HIVEP2: variants seen among roughly 807,000 people sequenced by gnomAD.
HIVEP2 encodes HIVEP zinc finger 2, also known as transcription factor HIVEP2.
A neutral mutation model predicts 180.7 loss-of-function variants in HIVEP2; 14 were observed. That is an observed-to-expected ratio of 0.08 (90% CI 0.05 to 0.12). The LOEUF is 0.12. HIVEP2 is among the 10% of genes least tolerant of loss of function. HIVEP2 has a pLI of 1.00. For synonymous variants in HIVEP2, 1,184 were observed against 1,136.4 expected, an observed-to-expected ratio of 1.04 and a Z score of -0.84; for missense variants, 2,579 against 3,008.5, an observed-to-expected ratio of 0.86 and a Z score of 3.34.
In HIVEP2 at chr6:142,752,910, A is replaced by G; in HGVS notation, c.*197T>C. 1 of 556,802 alleles carries G rather than the reference A, an allele frequency of 1.8e-6. No homozygotes were observed. The highest frequency in any genetic ancestry group is 3.2e-6 in the Non-Finnish European group (1 of 313,874). The allele number at this position is 556,802 out of a possible 1,614,324, so 34.5% of individuals were successfully genotyped here. A position where few individuals can be genotyped will look rare whatever the true frequency, so the allele number is the denominator to read the frequency against. ...TAAAAGTACCAGACCCAATAGGTTAATTTCAAATTTTGTTTTGGTCAGGCT... is the reference window on the plus strand; with the variant it reads ...TAAAAGTACCAGACCCAATAGGTTAGTTTCAAATTTTGTTTTGGTCAGGCT... On this transcript the variant is annotated 3_prime_UTR_variant, in exon 10 of 10. Coordinates refer to ENST00000367603, the MANE Select transcript of HIVEP2 (RefSeq NM_006734.4).
chr6:142,889,238 TG>T (rs1485702101), intron 1 of HIVEP2, among the ~76,000 whole-genome samples: 1 of 152,094 alleles, frequency 6.6e-6, no homozygotes, highest in Non-Finnish European at 1.5e-5. Context: ...TTTGAGAGAC[TG>T]GCAGGAGGAT....
Position 142,771,664 on chromosome 6 carries a change from T to C in HIVEP2, c.3075A>G (p.Lys1025=). ...SLSVPGHHHQ[K]EMRRCSSEQM... The stretch of plus-strand genomic sequence containing the variant: ...GCTCTGATGAGCAGCGTCGCATCTC[T>C]TTCTGGTGGTGATGGCCTGGGACAG... The change falls in exon 5 of 10, where the codon AAA becomes AAG. Residue 1025 remains lysine (K), a synonymous_variant. Coordinates refer to ENST00000367603, the MANE Select transcript of HIVEP2 (RefSeq NM_006734.4). The surrounding 1 kb of genome is among the most constrained non-coding windows in gnomAD (Gnocchi z 5.4). 1 of 1,614,194 alleles carries C rather than the reference T, an allele frequency of 6.2e-7. No homozygotes were observed. Among genetic ancestry groups the C allele is most frequent in the Non-Finnish European group, 8.5e-7 (1 of 1,180,026 alleles).
At chr6:142,882,438 C>T (rs575765566) in intron 1 of HIVEP2, among the ~76,000 whole-genome samples, 9 of 151,992 alleles carry the variant, frequency 5.9e-5, no homozygotes, top group African/African-American at 2.2e-4. Context: ...CAGTGAGATC[C>T]TGTTTCCACA....
intron 1 of HIVEP2, among the ~76,000 whole-genome samples, chr6:142,932,168 T>C (rs191556448): frequency 8.5e-5 from 13 of 152,342 alleles, no homozygotes; most frequent in African/African-American, 3.1e-4. Flanking sequence ...TATAAAGTCC[T>C]GATGATGAGA....
At chr6:142,897,602 G>T (rs563116234) in intron 1 of HIVEP2, among the ~76,000 whole-genome samples, 75 of 152,112 alleles carry the variant, frequency 4.9e-4, no homozygotes, top group Admixed American at 9.8e-4. Context: ...CACACATGAC[G>T]CAGAGCATAT....
In HIVEP2 at chr6:142,770,099, G is replaced by C. The variant is rs767483585; in HGVS notation, c.4640C>G (p.Ser1547Cys). The C allele has an allele frequency of 5.0e-6, 8 of 1,614,226 alleles. No individual in the cohort carries two copies. The highest frequency in any genetic ancestry group is 6.8e-6 in the Non-Finnish European group (8 of 1,180,032). Reference protein sequence around the residue: ...FLPSKEMLSGSRAPLPGQKSS... With the variant: ...FLPSKEMLSGCRAPLPGQKSS... Reference sequence around the variant, plus strand: ...CTTCTGCCCCGGAAGTGGTGCCCGGGAACCGGAAAGCATCTCCTTGCTGGG... The same window carrying C: ...CTTCTGCCCCGGAAGTGGTGCCCGGCAACCGGAAAGCATCTCCTTGCTGGG... Residue 1547 changes from serine (S) to cysteine (C), a missense_variant, in exon 5 of 10, where the codon TCC becomes TGC. Ser to Cys is a moderately radical substitution (Grantham distance 112, BLOSUM62 -1). Transcript: ENST00000367603. The surrounding 1 kb of genome is among the most constrained non-coding windows in gnomAD (Gnocchi z 4.7).
chr6:142,870,264 G>A (rs1209923416), intron 1 of HIVEP2, among the ~76,000 whole-genome samples: 1 of 152,146 alleles, frequency 6.6e-6, no homozygotes, highest in Non-Finnish European at 1.5e-5. Flanking sequence ...CAGGAGGTCT[G>A]CTTCCTCACC....
intron 2 of HIVEP2, among the ~76,000 whole-genome samples, chr6:142,800,792 C>T (rs1390942243): frequency 6.6e-6 from 1 of 152,092 alleles, no homozygotes; most frequent in Admixed American, 6.5e-5. Flanking sequence ...CTGGAAAGAT[C>T]CTTCTGTTCT....
At chr6:142,832,613 G>T (rs577203003) in intron 2 of HIVEP2, among the ~76,000 whole-genome samples, 1 of 152,292 alleles carries the variant, frequency 6.6e-6, no homozygotes, top group South Asian at 2.1e-4. Flanking sequence ...ATTCATGGGT[G>T]AGACATCAAT....
At chr6:142,842,100 A>C (rs1423741604) in intron 1 of HIVEP2, among the ~76,000 whole-genome samples, 1 of 152,190 alleles carries the variant, frequency 6.6e-6, no homozygotes, top group Admixed American at 6.6e-5. Context: ...GAATATTTAC[A>C]TGACAAAGCC....
chr6:142,842,590 G>T (rs1011921459), intron 1 of HIVEP2, among the ~76,000 whole-genome samples: 3 of 152,220 alleles, frequency 2.0e-5, no homozygotes, highest in Non-Finnish European at 4.4e-5. Flanking sequence ...GAAAGAAGGA[G>T]TGATGTGCTT....
chr6:142,919,315 T>G (rs1369442013), intron 1 of HIVEP2, among the ~76,000 whole-genome samples: 1 of 152,230 alleles, frequency 6.6e-6, no homozygotes, highest in Non-Finnish European at 1.5e-5. Flanking sequence ...TCTGCTCTCT[T>G]CCTGATAGTT....
intron 2 of HIVEP2, among the ~76,000 whole-genome samples, chr6:142,806,283 A>G (rs6570529): frequency 0.01 from 1,524 of 152,322 alleles, 32 homozygotes; most frequent in African/African-American, 0.035. Flanking sequence ...TGGAAAAGAT[A>G]CTATGGAAAA....
At chr6:142,787,299 A>G (rs1423887698) in intron 2 of HIVEP2, among the ~76,000 whole-genome samples, 1 of 152,094 alleles carries the variant, frequency 6.6e-6, no homozygotes, top group Non-Finnish European at 1.5e-5. Flanking sequence ...AATTCTTATA[A>G]ACTCAATGGA....
chr6:142,886,179 T>C lies in HIVEP2; in HGVS notation c.-640-49132A>G, dbSNP rs145346631. ...TATACCTACTAAATATGGTATCTTA[T>C]ACAAAGTAGGCATTATTATTGTTTG... On this transcript the variant is annotated intron_variant, in intron 1 of 9. Coordinates refer to ENST00000367603, the MANE Select transcript of HIVEP2 (RefSeq NM_006734.4). 4.7e-3 allele frequency among the ~76,000 whole-genome samples: 719 copies of C among 152,342 alleles called. 6 individuals are homozygous for C. The highest frequency in any genetic ancestry group is 7.8e-3 in the Non-Finnish European group (531 of 68,022).
intron 1 of HIVEP2, among the ~76,000 whole-genome samples, chr6:142,937,154 G>A (rs1252344322): frequency 2.0e-5 from 3 of 152,134 alleles, no homozygotes; most frequent in African/African-American, 7.2e-5. Context: ...CATAGCACTG[G>A]CTGAGCTCAG....
intron 1 of HIVEP2, among the ~76,000 whole-genome samples, chr6:142,889,038 G>T (rs111955577): frequency 6.6e-6 from 1 of 152,080 alleles, no homozygotes; most frequent in South Asian, 2.1e-4. Context: ...TTATGTGTTC[G>T]AACTTTCTAT....
At chr6:142,928,189 A>AT (rs1777860205) in intron 1 of HIVEP2, among the ~76,000 whole-genome samples, 1 of 152,250 alleles carries the variant, frequency 6.6e-6, no homozygotes, top group Admixed American at 6.5e-5. Flanking sequence ...GACAGGAAGT[A>AT]CATGGGAAAT....
chr6:142,935,978 T>G (rs1778044571), intron 1 of HIVEP2, among the ~76,000 whole-genome samples: 1 of 151,892 alleles, frequency 6.6e-6, no homozygotes, highest in Non-Finnish European at 1.5e-5. Flanking sequence ...CCGCGCATGG[T>G]GGTGCCAGCC....
Sources: gnomAD v4.1 joint callset for allele counts (sites outside exome capture counted in the v4.1 genomes callset) on GRCh38, gnomAD v4.1.1 for gene constraint, Gnocchi (gnomAD v3.1) non-coding constraint, MANE v1.5 for transcripts, NCBI Gene and HGNC (gene_info 2026-07-23, HGNC 2026-07-21) for gene names.